The following THRB variants were observed in gnomAD, a reference collection of about 807,000 sequenced individuals.
THRB encodes thyroid hormone receptor beta.
THRB carries 12 observed loss-of-function variants against 47.8 expected under a neutral mutation model. That is an observed-to-expected ratio of 0.25 (90% CI 0.16 to 0.41). The LOEUF is 0.41. Ranked by LOEUF, THRB falls within the 10% of genes least tolerant of loss-of-function variation. The pLI, the probability that THRB is intolerant of heterozygous loss-of-function variation, is 1.00. For synonymous variants in THRB, 218 were observed against 212.2 expected, an observed-to-expected ratio of 1.03 and a Z score of -0.24; for missense variants, 348 against 589.2, an observed-to-expected ratio of 0.59 and a Z score of 4.24.
chr3:24,190,432 T>G (rs531440480), intron 4 of THRB, 98 bp from the exon 5 acceptor site: 2 of 1,482,360 alleles, frequency 1.3e-6, no homozygotes, highest in African/African-American at 2.8e-5. Flanking sequence ...TCAATTCTTT[T>G]GGGCTGACAG....
intron 9 of THRB, among the ~76,000 whole-genome samples, chr3:24,130,316 C>G (rs1451070986): frequency 1.3e-5 from 2 of 152,150 alleles, no homozygotes; most frequent in Non-Finnish European, 2.9e-5. Context: ...GACCCCTCGC[C>G]CTTGCCGTGG....
At chr3:24,418,974 T>C (rs933947588) in intron 1 of THRB, among the ~76,000 whole-genome samples, 5 of 151,882 alleles carry the variant, frequency 3.3e-5, no homozygotes, top group Non-Finnish European at 5.9e-5. Context: ...GAGGCACATC[T>C]ATCACCCCCC....
chr3:24,341,254 CA>C (rs1177164194), intron 1 of THRB, among the ~76,000 whole-genome samples: 3 of 63,850 alleles, frequency 4.7e-5, no homozygotes, highest in East Asian at 6.4e-4. Flanking sequence ...TTTTTTGAGA[CA>C]GGGTCTCACT....
At chr3:24,218,361 T>TA (rs2046826292) in intron 4 of THRB, among the ~76,000 whole-genome samples, 18 of 132,702 alleles carry the variant, frequency 1.4e-4, no homozygotes, top group African/African-American at 4.2e-4. Context: ...TTTTTTTTTT[T>TA]TAAAAAGAAA....
intron 2 of THRB, among the ~76,000 whole-genome samples, chr3:24,325,309 T>C (rs1402020445): frequency 1.3e-5 from 2 of 152,180 alleles, no homozygotes; most frequent in East Asian, 3.8e-4. Flanking sequence ...GCCTGTCATA[T>C]TAAATGCTTC....
intron 4 of THRB, among the ~76,000 whole-genome samples, chr3:24,193,417 C>A (rs2043587288): frequency 6.6e-6 from 1 of 152,088 alleles, no homozygotes; most frequent in Non-Finnish European, 1.5e-5. Flanking sequence ...TTGAGATCCA[C>A]AGGGTTAAGA....
chr3:24,390,931 T>C (rs6550861), intron 1 of THRB, among the ~76,000 whole-genome samples: 4,860 of 152,056 alleles, frequency 0.032, 240 homozygotes, highest in African/African-American at 0.11. Context: ...GCTGGGATGA[T>C]TTTGGCAGAT....
intron 5 of THRB, among the ~76,000 whole-genome samples, chr3:24,161,085 G>C (rs1019099505): frequency 3.9e-5 from 6 of 152,218 alleles, no homozygotes; most frequent in African/African-American, 1.4e-4. Context: ...GTTTGGAAAC[G>C]ATTATTGCTC....
At chr3:24,430,756 C>T (rs145469566) in intron 1 of THRB, 1 of 152,088 alleles carries the variant, frequency 6.6e-6, no homozygotes, top group African/African-American at 2.4e-5. Flanking sequence ...GAATGACTCC[C>T]ACAAACAATA....
chr3:24,138,826 G>T (rs1344688226), intron 8 of THRB, among the ~76,000 whole-genome samples: 1 of 152,078 alleles, frequency 6.6e-6, no homozygotes, highest in East Asian at 1.9e-4. Context: ...ATCTCTGCCA[G>T]GGAAAAAGTA....
chr3:24,160,522 T>C (rs913831758), intron 5 of THRB, among the ~76,000 whole-genome samples: 11 of 151,996 alleles, frequency 7.2e-5, no homozygotes, highest in Non-Finnish European at 1.5e-4. Context: ...TCTGGGAGTC[T>C]CCAAGAGAGC....
chr3:24,237,899 A>G (rs2049031724), intron 3 of THRB: 2 of 152,176 alleles, frequency 1.3e-5, no homozygotes, highest in Admixed American at 6.6e-5. Context: ...TTATTGTCAC[A>G]TTGAGTGAAA....
At chr3:24,189,952 G>A in intron 5 of THRB, 122 bp downstream of exon 5, 1 of 951,030 alleles carries the variant, frequency 1.1e-6, no homozygotes, top group Non-Finnish European at 1.7e-6. Flanking sequence ...TAAAAGAACA[G>A]TTGGAGAAAA....
At chr3:24,204,150 G>C (rs1279030776) in intron 4 of THRB, among the ~76,000 whole-genome samples, 1 of 152,268 alleles carries the variant, frequency 6.6e-6, no homozygotes, top group African/African-American at 2.4e-5. Context: ...GCTTTGAAGA[G>C]AGTAGTGGTT....
intron 3 of THRB, among the ~76,000 whole-genome samples, chr3:24,290,897 A>T (rs73148351): frequency 0.045 from 6,863 of 152,288 alleles, 488 homozygotes; most frequent in African/African-American, 0.15. Context: ...GACTATAGGG[A>T]GGTGGCATCT....
intron 4 of THRB, among the ~76,000 whole-genome samples, chr3:24,219,485 A>G (rs2046948214): frequency 1.3e-5 from 2 of 152,134 alleles, no homozygotes; most frequent in South Asian, 4.1e-4. Context: ...CATTTGGGTA[A>G]GTGAAGATGC....
intron 4 of THRB, among the ~76,000 whole-genome samples, chr3:24,194,210 TCAC>T (rs1252146951): frequency 1.3e-5 from 2 of 152,070 alleles, no homozygotes; most frequent in Admixed American, 6.6e-5. Context: ...ATCTCAGAAA[TCAC>T]CACTGAAGAA....
At chr3:24,481,234 T>C (rs958702476) in intron 1 of THRB, among the ~76,000 whole-genome samples, 1 of 135,448 alleles carries the variant, frequency 7.4e-6, no homozygotes, top group Admixed American at 7.2e-5. Flanking sequence ...TTTCTGTTTT[T>C]TTTTTTTTTT....
intron 3 of THRB, among the ~76,000 whole-genome samples, chr3:24,280,751 T>C (rs2054488145): frequency 6.6e-6 from 1 of 152,012 alleles, no homozygotes; most frequent in East Asian, 1.9e-4. Context: ...AAGGAGCTGA[T>C]GGAGCTGAAA....
Sources: gnomAD v4.1 joint callset for allele counts (sites outside exome capture counted in the v4.1 genomes callset) on GRCh38, gnomAD v4.1.1 for gene constraint, MANE v1.5 for transcripts, NCBI Gene and HGNC (gene_info 2026-07-23, HGNC 2026-07-21) for gene names.